The following PLSCR4 variants were observed in gnomAD, a reference collection of about 807,000 sequenced individuals.
PLSCR4 encodes phospholipid scramblase 4.
PLSCR4 carries 25 observed loss-of-function variants against 36.3 expected under a neutral mutation model. That is an observed-to-expected ratio of 0.69 (90% CI 0.50 to 0.96). The LOEUF (loss-of-function observed/expected upper bound fraction) is 0.96. Among genes scored for constraint, PLSCR4 ranks in the 40% least tolerant of loss-of-function variants. The probability of loss-of-function intolerance (pLI) is 0.00; values close to 1 mark genes in which losing one functional copy is unlikely to be tolerated. For missense variants in PLSCR4, 408 were observed against 414.7 expected (o/e 0.98, Z 0.14); for synonymous variants, 122 against 132.9 (o/e 0.92, Z 0.56).
At chr3:146,245,401 C>T (rs1228296238) in intron 1 of PLSCR4, among the ~76,000 whole-genome samples, 1 of 151,942 alleles carries the variant, frequency 6.6e-6, no homozygotes, top group East Asian at 1.9e-4. Context: ...AGTAAATTTC[C>T]TCTATACCAA....
chr3:146,222,127 C>G (rs1559915418), intron 1 of PLSCR4, 35 bp from the exon 2 acceptor site: 1 of 826,400 alleles, frequency 1.2e-6, no homozygotes, highest in Non-Finnish European at 1.8e-6. Context: ...CTTTAAAATA[C>G]ATACATAATA....
chr3:146,196,591 G>A (rs775774746), intron 7 of PLSCR4, 41 bp downstream of exon 7: 29 of 1,588,016 alleles, frequency 1.8e-5, no homozygotes, highest in Non-Finnish European at 2.5e-5. Context: ...GTTAATATGA[G>A]TAGGAAAAAT....
intron 3 of PLSCR4, among the ~76,000 whole-genome samples, chr3:146,209,240 G>A (rs553881626): frequency 1.5e-3 from 226 of 152,070 alleles, no homozygotes; most frequent in Middle Eastern, 3.4e-3. Context: ...ATGATACAAT[G>A]GAATGGACTT....
At chr3:146,205,294 C>T (rs1030790031) in intron 4 of PLSCR4, among the ~76,000 whole-genome samples, 2 of 151,972 alleles carry the variant, frequency 1.3e-5, no homozygotes, top group African/African-American at 4.8e-5. Context: ...ACAGATTGTA[C>T]CAAATCCTGT....
rs550711725 is a variant in PLSCR4, at chr3:146,245,553, T to A, written c.-22+5407A>T. On this transcript the variant is annotated intron_variant, in intron 1 of 8. Transcript: ENST00000354952. ...CAATTGTTAAGTAAACACATTATCA[T>A]GAAACATTATGATAAAATAATTTTC... Among the ~76,000 whole-genome samples, 15 of 152,160 alleles carry A rather than the reference T, an allele frequency of 9.9e-5. No individual in the cohort carries two copies. In the South Asian group the frequency reaches 3.1e-3, roughly 31 times the overall value.
chr3:146,230,928 G>A (rs1041397973), intron 1 of PLSCR4, among the ~76,000 whole-genome samples: 4 of 151,144 alleles, frequency 2.6e-5, no homozygotes, highest in Admixed American at 6.6e-5. Context: ...GCTAAATTAC[G>A]TGTCAATAGG....
intron 4 of PLSCR4, among the ~76,000 whole-genome samples, chr3:146,204,915 C>T (rs1165448030): frequency 5.3e-5 from 8 of 151,930 alleles, no homozygotes; most frequent in Admixed American, 2.6e-4. Flanking sequence ...AAAATTTTGT[C>T]CAAATAATAA....
chr3:146,205,935 T>C (rs2034304928), intron 4 of PLSCR4, among the ~76,000 whole-genome samples: 1 of 152,122 alleles, frequency 6.6e-6, no homozygotes, highest in South Asian at 2.1e-4. Flanking sequence ...GTTTTTGATC[T>C]GCATGTCCTG....
intron 6 of PLSCR4, among the ~76,000 whole-genome samples, chr3:146,198,485 C>T (rs1248168670): frequency 6.6e-6 from 1 of 152,050 alleles, no homozygotes; most frequent in Non-Finnish European, 1.5e-5. Context: ...ACTGCAGCCT[C>T]GATATCCTGG....
intron 5 of PLSCR4, among the ~76,000 whole-genome samples, chr3:146,200,696 T>TCTGGA (rs2034000097): frequency 2.0e-5 from 3 of 152,102 alleles, no homozygotes; most frequent in Non-Finnish European, 2.9e-5. Context: ...TAGCTGACTG[T>TCTGGA]GGTGTCCCTG....
At chr3:146,232,908 T>C (rs896864046) in intron 1 of PLSCR4, among the ~76,000 whole-genome samples, 1 of 152,122 alleles carries the variant, frequency 6.6e-6, no homozygotes, top group Non-Finnish European at 1.5e-5. Flanking sequence ...CTACATCCTT[T>C]AAGAAAATCT....
At chr3:146,245,265 C>G (rs1471051704) in intron 1 of PLSCR4, among the ~76,000 whole-genome samples, 1 of 152,024 alleles carries the variant, frequency 6.6e-6, no homozygotes, top group Non-Finnish European at 1.5e-5. Context: ...AGTTACAGAT[C>G]TATGAAATTT....
chr3:146,244,262 G>A (rs2036261866), intron 1 of PLSCR4, among the ~76,000 whole-genome samples: 1 of 151,970 alleles, frequency 6.6e-6, no homozygotes, highest in East Asian at 1.9e-4. Flanking sequence ...TTATCTTCAG[G>A]CTATATGTTT....
At chr3:146,213,651 T>C (rs191775872) in intron 3 of PLSCR4, among the ~76,000 whole-genome samples, 36 of 152,280 alleles carry the variant, frequency 2.4e-4, no homozygotes, top group Non-Finnish European at 4.4e-4. Flanking sequence ...ATTTGGGCCT[T>C]AGCTTTATTT....
intron 1 of PLSCR4, among the ~76,000 whole-genome samples, chr3:146,237,349 T>C (rs1435877579): frequency 6.6e-6 from 1 of 152,096 alleles, no homozygotes; most frequent in African/African-American, 2.4e-5. Context: ...ATGAAATTGA[T>C]GGGAAATACA....
intron 1 of PLSCR4, among the ~76,000 whole-genome samples, chr3:146,225,693 C>G (rs1015139642): frequency 6.6e-6 from 1 of 152,210 alleles, no homozygotes; most frequent in Non-Finnish European, 1.5e-5. Flanking sequence ...TCCCTCATTG[C>G]CCGGGGCCAG....
chr3:146,234,818 A>T (rs1489110177), intron 1 of PLSCR4, among the ~76,000 whole-genome samples: 1 of 152,164 alleles, frequency 6.6e-6, no homozygotes, highest in Non-Finnish European at 1.5e-5. Context: ...CAAAGACTTT[A>T]AAACTGATAC....
Position 146,195,195 on chromosome 3 carries a change from A to C in PLSCR4, c.874T>G (p.Phe292Val). 1 of 1,613,816 alleles carries C rather than the reference A, an allele frequency of 6.2e-7. No individual in the cohort carries two copies. Among genetic ancestry groups the C allele is most frequent in the Non-Finnish European group, 8.5e-7 (1 of 1,179,732 alleles). ...AGGTCTAGTGGGAAGTGAATGTCAAAATGGTCAGCATCTGCCATTGCTGAT... is the reference window on the plus strand; with the variant it reads ...AGGTCTAGTGGGAAGTGAATGTCAACATGGTCAGCATCTGCCATTGCTGAT... ...LLSAMADADHFDIHFPLDLDV... is the reference protein window; with the variant it reads ...LLSAMADADHVDIHFPLDLDV... The change falls in exon 8 of 9, where the codon TTT (phenylalanine) becomes GTT (valine). Residue 292 changes from phenylalanine to valine, a missense_variant. Coordinates refer to ENST00000354952, the MANE Select transcript of PLSCR4 (RefSeq NM_020353.3).
chr3:146,225,289 G>A (rs1479009944), intron 1 of PLSCR4, among the ~76,000 whole-genome samples: 5 of 152,222 alleles, frequency 3.3e-5, no homozygotes, highest in Non-Finnish European at 5.9e-5. Context: ...ACAGGGTGCT[G>A]ATTGGTGTAT....
Sources: gnomAD v4.1 joint callset for allele counts (sites outside exome capture counted in the v4.1 genomes callset) on GRCh38, gnomAD v4.1.1 for gene constraint, MANE v1.5 for transcripts, NCBI Gene and HGNC (gene_info 2026-07-23, HGNC 2026-07-21) for gene names.